KCNMA1: variants seen among roughly 807,000 people sequenced by gnomAD.
KCNMA1 encodes potassium calcium-activated channel subfamily M alpha 1, also known as Calcium-activated potassium channel subunit alpha-1.
In KCNMA1, 29 loss-of-function variants were observed where a neutral mutation model predicts 140.0. The ratio of observed to expected loss-of-function variants is 0.21; its 90% CI spans 0.15 to 0.28. The LOEUF is 0.28. Ranked by LOEUF, KCNMA1 falls within the 10% of genes least tolerant of loss-of-function variation. The pLI, the probability that KCNMA1 is intolerant of heterozygous loss-of-function variation, is 1.00. For synonymous variants in KCNMA1, 612 were observed against 611.9 expected, an observed-to-expected ratio of 1.00 and a Z score of 0.00; for missense variants, 880 against 1,602.2, an observed-to-expected ratio of 0.55 and a Z score of 7.70.
chr10:77,177,158 G>C, intron 5 of KCNMA1, among the ~76,000 whole-genome samples: 1 of 152,114 alleles, frequency 6.6e-6, no homozygotes, highest in Non-Finnish European at 1.5e-5. Context: ...CTCACCCACA[G>C]AACTGCTTGG....
chr10:77,235,091 C>T (rs528278467), intron 3 of KCNMA1, among the ~76,000 whole-genome samples: 7 of 152,324 alleles, frequency 4.6e-5, no homozygotes, highest in South Asian at 2.1e-4. Flanking sequence ...ATAATTAATA[C>T]TAGCAGGCAT....
intron 2 of KCNMA1, among the ~76,000 whole-genome samples, chr10:77,384,328 G>C (rs1402044374): frequency 6.6e-6 from 1 of 152,204 alleles, no homozygotes; most frequent in Admixed American, 6.5e-5. Context: ...CTTGGAAAGA[G>C]GGCAGCATGT....
At chr10:77,035,324 C>A (rs1464308407) in intron 15 of KCNMA1, among the ~76,000 whole-genome samples, 2 of 152,130 alleles carry the variant, frequency 1.3e-5, no homozygotes, top group African/African-American at 2.4e-5. Flanking sequence ...CCAGGAAGAA[C>A]CCCCATGTCC....
At chr10:77,546,343 C>A (rs2061449946) in intron 1 of KCNMA1, among the ~76,000 whole-genome samples, 1 of 149,482 alleles carries the variant, frequency 6.7e-6, no homozygotes, top group African/African-American at 2.5e-5. Flanking sequence ...TGCTAGGGCC[C>A]TCCAGCCCCA....
intron 2 of KCNMA1, among the ~76,000 whole-genome samples, chr10:77,319,021 C>T (rs907788017): frequency 2.6e-5 from 4 of 152,146 alleles, no homozygotes; most frequent in African/African-American, 9.7e-5. Flanking sequence ...AATTGAGCAC[C>T]TACTGAGGCC....
rs555249351 is a variant in KCNMA1, at chr10:77,345,592, A to C, written c.540+58270T>G. Among the ~76,000 whole-genome samples the C allele has an allele frequency of 2.6e-5, 4 of 152,336 alleles. No individual in the cohort carries two copies. In the East Asian group the frequency reaches 5.8e-4, roughly 22 times the overall value. ...GACAAATGCCAACATAGAATGACAG[A>C]GAGGGAAGGAAGAAAGTGTTTTTCC... On this transcript the variant is annotated intron_variant, in intron 2 of 27. Transcript: ENST00000286628.
chr10:77,341,369 T>A (rs1189498219), intron 2 of KCNMA1, among the ~76,000 whole-genome samples: 3 of 152,324 alleles, frequency 2.0e-5, no homozygotes, highest in Non-Finnish European at 2.9e-5. Context: ...TTCTCAGTGT[T>A]TTCTCATTTC....
At chr10:77,591,573 A>T (rs1462508198) in intron 1 of KCNMA1, among the ~76,000 whole-genome samples, 11 of 152,222 alleles carry the variant, frequency 7.2e-5, no homozygotes, top group Non-Finnish European at 1.5e-5. Context: ...GGTGGGACCC[A>T]GCAATTGGTG....
intron 3 of KCNMA1, among the ~76,000 whole-genome samples, chr10:77,186,960 G>GA (rs890430538): frequency 3.3e-5 from 5 of 151,876 alleles, no homozygotes; most frequent in Non-Finnish European, 7.4e-5. Flanking sequence ...CAAGGGGAGA[G>GA]AAAAAAAGGG....
At chr10:77,170,825 T>A (rs150203968) in intron 5 of KCNMA1, among the ~76,000 whole-genome samples, 4 of 152,230 alleles carry the variant, frequency 2.6e-5, no homozygotes, top group African/African-American at 9.6e-5. Flanking sequence ...TTGGAATACC[T>A]TAGAAGGGGA....
chr10:77,554,074 G>A (rs1019005706), intron 1 of KCNMA1, among the ~76,000 whole-genome samples: 1 of 152,018 alleles, frequency 6.6e-6, no homozygotes, highest in Non-Finnish European at 1.5e-5. Flanking sequence ...AAGCCCACAG[G>A]GTTCCTCACT....
intron 2 of KCNMA1, among the ~76,000 whole-genome samples, chr10:77,264,466 A>G (rs1431613589): frequency 1.3e-5 from 2 of 152,148 alleles, no homozygotes; most frequent in Non-Finnish European, 2.9e-5. Context: ...TATCTTCTCA[A>G]GGTCATTTTT....
intron 12 of KCNMA1, among the ~76,000 whole-genome samples, chr10:77,082,026 T>TTTTTC (rs1565976344): frequency 1.2e-5 from 1 of 81,170 alleles, no homozygotes; most frequent in Non-Finnish European, 2.4e-5. Context: ...TTTTTTTTTT[T>TTTTTC]TTTTTTTTTT....
At chr10:77,454,695 T>C (rs934131525) in intron 1 of KCNMA1, among the ~76,000 whole-genome samples, 1 of 152,190 alleles carries the variant, frequency 6.6e-6, no homozygotes, top group Non-Finnish European at 1.5e-5. Context: ...TTTTCCTTCT[T>C]TACTTGGGGA....
intron 1 of KCNMA1, among the ~76,000 whole-genome samples, chr10:77,616,216 C>A (rs550943460): frequency 6.6e-6 from 1 of 152,184 alleles, no homozygotes; most frequent in African/African-American, 2.4e-5. Context: ...TTCAGAGATG[C>A]TACATTCCAG....
At chr10:77,547,250 A>G (rs2061640915) in intron 1 of KCNMA1, among the ~76,000 whole-genome samples, 1 of 152,160 alleles carries the variant, frequency 6.6e-6, no homozygotes, top group Non-Finnish European at 1.5e-5. Context: ...GAATCCAGAC[A>G]TCTACTTTCA....
At chr10:77,519,271 G>C (rs945611772) in intron 1 of KCNMA1, among the ~76,000 whole-genome samples, 2 of 152,238 alleles carry the variant, frequency 1.3e-5, no homozygotes, top group Admixed American at 6.5e-5. Flanking sequence ...CTTTAGGAAA[G>C]AGAATAACAG....
chr10:77,533,426 G>C (rs1172999559), intron 1 of KCNMA1, among the ~76,000 whole-genome samples: 1 of 152,166 alleles, frequency 6.6e-6, no homozygotes, highest in Admixed American at 6.5e-5. Flanking sequence ...AACTTCTCTA[G>C]AACTTGTCTG....
intron 2 of KCNMA1, among the ~76,000 whole-genome samples, chr10:77,345,448 C>T (rs2091946786): frequency 6.6e-6 from 1 of 152,166 alleles, no homozygotes; most frequent in African/African-American, 2.4e-5. Flanking sequence ...GGAGGAGATG[C>T]TTCTGACTTA....
Sources: allele counts gnomAD v4.1 joint callset (sites outside exome capture counted in the v4.1 genomes callset), GRCh38; gene constraint gnomAD v4.1.1; transcripts MANE v1.5; gene names NCBI Gene and HGNC (gene_info 2026-07-23, HGNC 2026-07-21).